The following ZDHHC14 variants were observed in gnomAD, a reference collection of about 807,000 sequenced individuals.
ZDHHC14 encodes palmitoyltransferase ZDHHC14.
In ZDHHC14, 16 loss-of-function variants were observed where a neutral mutation model predicts 47.7. The ratio of observed to expected loss-of-function variants is 0.34; its 90% CI spans 0.23 to 0.51. The LOEUF is 0.51. ZDHHC14 is among the 20% of genes least tolerant of loss of function. The pLI is 0.97. For synonymous variants in ZDHHC14, 293 were observed against 278.9 expected (o/e 1.05, Z -0.50); for missense variants, 515 against 662.5 (o/e 0.78, Z 2.44).
chr6:157,516,686 A>G (rs1780705027), intron 1 of ZDHHC14, among the ~76,000 whole-genome samples: 1 of 152,246 alleles, frequency 6.6e-6, no homozygotes, highest in African/African-American at 2.4e-5. Flanking sequence ...AGGAAGCACA[A>G]ATCCAAGGAG....
chr6:157,627,151 A>G (rs1423426532), intron 3 of ZDHHC14, among the ~76,000 whole-genome samples: 2 of 152,198 alleles, frequency 1.3e-5, no homozygotes, highest in Admixed American at 6.5e-5. Flanking sequence ...TTCAAGAAAC[A>G]AGCTTGCATT....
intron 1 of ZDHHC14, among the ~76,000 whole-genome samples, chr6:157,531,283 A>G (rs1199928698): frequency 5.5e-5 from 2 of 36,174 alleles, no homozygotes; most frequent in African/African-American, 2.6e-4. Context: ...ACAGCCTACA[A>G]CGCCCCTGCC....
At chr6:157,607,929 T>C (rs774023942) in intron 3 of ZDHHC14, among the ~76,000 whole-genome samples, 1 of 152,240 alleles carries the variant, frequency 6.6e-6, no homozygotes, top group African/African-American at 2.4e-5. Flanking sequence ...AGAAACAAGA[T>C]CGTATTGCAC....
chr6:157,518,646 C>T (rs1484933056), intron 1 of ZDHHC14, among the ~76,000 whole-genome samples: 1 of 151,156 alleles, frequency 6.6e-6, no homozygotes, highest in Non-Finnish European at 1.5e-5. Flanking sequence ...ACCCTCCCTC[C>T]CAACTCACCC....
chr6:157,567,810 CAA>C (rs11431689), intron 2 of ZDHHC14, among the ~76,000 whole-genome samples: 9 of 136,222 alleles, frequency 6.6e-5, no homozygotes, highest in Admixed American at 1.5e-4. Context: ...GACCCCATCT[CAA>C]AAAAAAAAAA....
chr6:157,671,309 C>G (rs1170541316), intron 8 of ZDHHC14, among the ~76,000 whole-genome samples: 7 of 152,316 alleles, frequency 4.6e-5, no homozygotes, highest in Admixed American at 4.6e-4. Context: ...ATCGAGCTGT[C>G]CAACCCATCT....
intron 1 of ZDHHC14, among the ~76,000 whole-genome samples, chr6:157,449,965 C>T (rs916009261): frequency 5.9e-5 from 9 of 152,104 alleles, no homozygotes; most frequent in Non-Finnish European, 1.3e-4. Flanking sequence ...CCCCTTTAAA[C>T]TGGGGATAAT....
intron 2 of ZDHHC14, 140 bp from the exon 3 acceptor site, chr6:157,592,848 G>A (rs1170204484): frequency 7.8e-5 from 115 of 1,475,310 alleles, no homozygotes; most frequent in Non-Finnish European, 1.0e-4. Flanking sequence ...CAGAGCCCCA[G>A]CCTGGGTAAA....
chr6:157,438,412 C>G (rs1415095489), intron 1 of ZDHHC14, among the ~76,000 whole-genome samples: 1 of 152,162 alleles, frequency 6.6e-6, no homozygotes, highest in Non-Finnish European at 1.5e-5. Flanking sequence ...AAAATCTGGA[C>G]TTTGAGTTGC....
chr6:157,435,855 T>C (rs549037987), intron 1 of ZDHHC14, among the ~76,000 whole-genome samples: 1 of 152,268 alleles, frequency 6.6e-6, no homozygotes, highest in African/African-American at 2.4e-5. Context: ...ATCTCTTTCT[T>C]CACTGTATCC....
At chr6:157,656,357 C>T (rs1778089771) in intron 8 of ZDHHC14, among the ~76,000 whole-genome samples, 1 of 119,858 alleles carries the variant, frequency 8.3e-6, no homozygotes, top group South Asian at 2.6e-4. Context: ...TTTTTTGAAA[C>T]AGTGTCTCGC....
At chr6:157,429,060 A>C (rs1778283597) in intron 1 of ZDHHC14, among the ~76,000 whole-genome samples, 1 of 152,042 alleles carries the variant, frequency 6.6e-6, no homozygotes, top group Admixed American at 6.6e-5. Context: ...GAGTCAGCTC[A>C]CCCTGCATGG....
At chr6:157,416,053 G>T (rs1777966126) in intron 1 of ZDHHC14, among the ~76,000 whole-genome samples, 2 of 152,196 alleles carry the variant, frequency 1.3e-5, no homozygotes, top group African/African-American at 4.8e-5. Context: ...TCTTCCCAAA[G>T]TTATTCTCCA....
intron 1 of ZDHHC14, among the ~76,000 whole-genome samples, chr6:157,507,061 C>G (rs1780345160): frequency 1.3e-5 from 2 of 152,062 alleles, no homozygotes; most frequent in South Asian, 4.1e-4. Context: ...TATGTATGTA[C>G]TTCTCTCTTG....
chr6:157,534,533 TATTTC>T (rs34937760), intron 1 of ZDHHC14, among the ~76,000 whole-genome samples: 43,717 of 140,550 alleles, frequency 0.31, 7,664 homozygotes, highest in Admixed American at 0.43. Flanking sequence ...CCTGGAATTC[TATTTC>T]ATTTCATTTC....
intron 3 of ZDHHC14, among the ~76,000 whole-genome samples, chr6:157,613,171 G>T (rs1784820434): frequency 6.6e-6 from 1 of 152,190 alleles, no homozygotes; most frequent in South Asian, 2.1e-4. Flanking sequence ...ATATCGGAGG[G>T]CCTCACGTGT....
chr6:157,586,668 C>T lies in ZDHHC14; in HGVS notation c.407-6320C>T, dbSNP rs1329241779. Among the ~76,000 whole-genome samples the T allele has an allele frequency of 6.6e-6, 1 of 151,624 alleles. No homozygotes were observed. The highest frequency in any genetic ancestry group is 1.5e-5 in the Non-Finnish European group (1 of 67,890). On this transcript the variant is annotated intron_variant, in intron 2 of 8. Transcript: ENST00000359775. This position sits in a 1 kb window ranked among gnomAD's most constrained non-coding sequence, Gnocchi z 4.6. ...ACAGCCCAGCAGAGCCCTCCCAGGA[C>T]CCCAGCGGCCCTCGGCAACCCCTGG...
intron 3 of ZDHHC14, among the ~76,000 whole-genome samples, chr6:157,612,843 GAAA>G (rs67622838): frequency 6.8e-6 from 1 of 147,588 alleles, no homozygotes; most frequent in African/African-American, 2.5e-5. Context: ...CTCTCTTAGA[GAAA>G]AAAAAAAAAA....
chr6:157,428,263 A>G (rs1583636226), intron 1 of ZDHHC14, among the ~76,000 whole-genome samples: 1 of 151,936 alleles, frequency 6.6e-6, no homozygotes, highest in South Asian at 2.1e-4. Context: ...GCCCACTCCC[A>G]CCCTCCGGTG....
Sources: allele counts gnomAD v4.1 joint callset (sites outside exome capture counted in the v4.1 genomes callset), GRCh38; gene constraint gnomAD v4.1.1; non-coding constraint Gnocchi (gnomAD v3.1); transcripts MANE v1.5; gene names NCBI Gene and HGNC (gene_info 2026-07-23, HGNC 2026-07-21).